Variants in PPARGC1B observed in about 807,000 individuals in gnomAD.
The protein encoded by PPARGC1B is PPARG coactivator 1 beta.
In PPARGC1B, 34 loss-of-function variants were observed where a neutral mutation model predicts 101.6. The observed-to-expected ratio is 0.33, with a 90% CI of 0.25 to 0.45. The LOEUF (loss-of-function observed/expected upper bound fraction) is 0.45. Among genes scored for constraint, PPARGC1B ranks in the 20% least tolerant of loss-of-function variants. The pLI is 1.00. For synonymous variants in PPARGC1B, 548 were observed against 539.3 expected, an observed-to-expected ratio of 1.02 and a Z score of -0.22; for missense variants, 1,234 against 1,317.6, an observed-to-expected ratio of 0.94 and a Z score of 0.98.
chr5:149,829,356 T>A (rs1323377512), intron 3 of PPARGC1B, among the ~76,000 whole-genome samples: 4 of 152,126 alleles, frequency 2.6e-5, no homozygotes, highest in Non-Finnish European at 5.9e-5. Context: ...CTAGGATCAT[T>A]TCCCATCGAA....
intron 1 of PPARGC1B, among the ~76,000 whole-genome samples, chr5:149,760,264 C>G (rs1443156512): frequency 6.6e-6 from 1 of 152,140 alleles, no homozygotes; most frequent in Non-Finnish European, 1.5e-5. Flanking sequence ...GGCAGCAGTT[C>G]CTGGGAAGAA....
chr5:149,766,860 G>C (rs1755927800), intron 1 of PPARGC1B, among the ~76,000 whole-genome samples: 2 of 152,214 alleles, frequency 1.3e-5, no homozygotes, highest in South Asian at 2.1e-4. Context: ...TCTCTGAATG[G>C]CTCTCAGAGA....
chr5:149,791,249 A>G (rs1249019625), intron 1 of PPARGC1B, among the ~76,000 whole-genome samples: 1 of 151,006 alleles, frequency 6.6e-6, no homozygotes, highest in African/African-American at 2.4e-5. Context: ...CTGAGATCCC[A>G]CTACTACATT....
At chr5:149,801,367 G>A (rs1197126418) in intron 1 of PPARGC1B, among the ~76,000 whole-genome samples, 5 of 152,240 alleles carry the variant, frequency 3.3e-5, no homozygotes, top group Middle Eastern at 3.2e-3. Flanking sequence ...CCTCCAGGAA[G>A]TAGAGTGAAG....
chr5:149,773,951 T>A (rs1430696417), intron 1 of PPARGC1B, among the ~76,000 whole-genome samples: 5 of 152,174 alleles, frequency 3.3e-5, no homozygotes, highest in Non-Finnish European at 7.4e-5. Flanking sequence ...ATGTTGGTGC[T>A]CTGTCCCCAG....
chr5:149,730,901 C>T lies in PPARGC1B; in HGVS notation c.78+481C>T, dbSNP rs1374136098. On this transcript the variant is annotated intron_variant, in intron 1 of 11. Transcript: ENST00000309241. The surrounding 1 kb of genome is among the most constrained non-coding windows in gnomAD (Gnocchi z 4.0). ...GGCTGTAGTCCCCAGAGTGCTGTTG[C>T]TGGCCCCCCGCGGCTTTCTACCCGC... Among the ~76,000 whole-genome samples the T allele has an allele frequency of 3.3e-5, 5 of 152,234 alleles. No homozygotes were observed. The highest frequency in any genetic ancestry group is 7.3e-5 in the Non-Finnish European group (5 of 68,044).
chr5:149,789,377 G>A (rs184166736), intron 1 of PPARGC1B, among the ~76,000 whole-genome samples: 40 of 152,258 alleles, frequency 2.6e-4, no homozygotes, highest in African/African-American at 7.7e-4. Context: ...GTGTCCTTGC[G>A]GAAGTCATTT....
chr5:149,791,942 C>T (rs1356880009), intron 1 of PPARGC1B, among the ~76,000 whole-genome samples: 4 of 152,138 alleles, frequency 2.6e-5, no homozygotes, highest in Non-Finnish European at 5.9e-5. Flanking sequence ...CTAGGGAACC[C>T]CAGGATACAA....
chr5:149,787,140 C>A (rs1756840547), intron 1 of PPARGC1B, among the ~76,000 whole-genome samples: 1 of 152,234 alleles, frequency 6.6e-6, no homozygotes, highest in South Asian at 2.1e-4. Flanking sequence ...CATGGATCAG[C>A]TTAGCAACCA....
intron 1 of PPARGC1B, among the ~76,000 whole-genome samples, chr5:149,738,699 C>T (rs1415374885): frequency 3.9e-5 from 6 of 151,960 alleles, no homozygotes; most frequent in Non-Finnish European, 5.9e-5. Flanking sequence ...CGGGTTCAAG[C>T]GATTCTTCTG....
At position 149,737,741 on chromosome 5, in the gene PPARGC1B, C is replaced by T. The variant is rs368189017; in HGVS notation, c.78+7321C>T. On this transcript the variant is annotated intron_variant, in intron 1 of 11. Transcript: ENST00000309241. The stretch of plus-strand genomic sequence containing the variant: ...GGGCACAGTGGCTTACGCCTGTAAT[C>T]CCAGCGCTTTGGGAGGCTGAGGTGG... Among the ~76,000 whole-genome samples the T allele has an allele frequency of 2.0e-4, 31 of 152,328 alleles. No homozygotes were observed. The East Asian group carries it at 6.0e-3, about 29-fold the overall frequency.
At chr5:149,843,369 C>T (rs1023352788) in intron 10 of PPARGC1B, among the ~76,000 whole-genome samples, 5 of 152,206 alleles carry the variant, frequency 3.3e-5, no homozygotes, top group African/African-American at 7.2e-5. Context: ...CTAAGTTATT[C>T]GGGTTTTTAC....
At chr5:149,750,453 A>ATAT (rs1755246049) in intron 1 of PPARGC1B, among the ~76,000 whole-genome samples, 1 of 123,232 alleles carries the variant, frequency 8.1e-6, no homozygotes, top group African/African-American at 3.1e-5. Flanking sequence ...TTTTAGTTAA[A>ATAT]ATATATATAT....
In PPARGC1B at chr5:149,833,794, G is replaced by A; in HGVS notation, c.1705+16G>A. On this transcript the variant is annotated intron_variant, in intron 5 of 11. Transcript: ENST00000309241. The surrounding 1 kb of genome is among the most constrained non-coding windows in gnomAD (Gnocchi z 4.1). ...CCTCCCAGAGGTAGTCAGAGTTGGT[G>A]GTCTGCGAAGTGGGGGCAGGGATGG... The A allele has an allele frequency of 6.8e-7, 1 of 1,476,262 alleles. No homozygotes were observed. The highest frequency in any genetic ancestry group is 8.9e-7 in the Non-Finnish European group (1 of 1,117,736). 91.4% of individuals were successfully genotyped at this position (1,476,262 alleles called of 1,614,324 possible). A position where few individuals can be genotyped will look rare whatever the true frequency, so the allele number is the denominator to read the frequency against.
rs781342430 is a variant in PPARGC1B at position 149,836,509 on chromosome 5, TCTC to T, written c.2057_2059del (p.Ser686del). On this transcript the variant is annotated inframe_deletion, in exon 8 of 12. Coordinates refer to ENST00000309241, the MANE Select transcript of PPARGC1B (RefSeq NM_133263.4). ...TCCCAGGCTGGCCAGAAGCGTCCCT[TCTC>T]CTGTTCCTTTGGAGACCATGACTAC... The T allele has an allele frequency of 3.7e-6, 6 of 1,613,978 alleles. No homozygotes were observed. Among genetic ancestry groups the T allele is most frequent in the East Asian group, 2.2e-5 (1 of 44,862 alleles).
chr5:149,826,297 C>T (rs1758515294), intron 2 of PPARGC1B, among the ~76,000 whole-genome samples: 1 of 152,184 alleles, frequency 6.6e-6, no homozygotes. Context: ...CGGGTTGCTG[C>T]TACCAGTGTG....
intron 1 of PPARGC1B, among the ~76,000 whole-genome samples, chr5:149,785,491 A>G (rs180715164): frequency 6.8e-4 from 104 of 152,332 alleles, no homozygotes; most frequent in African/African-American, 2.4e-3. Flanking sequence ...CCAGTTTACA[A>G]TCTGTTGGTG....
At chr5:149,795,056 G>A (rs1757160907) in intron 1 of PPARGC1B, among the ~76,000 whole-genome samples, 1 of 152,226 alleles carries the variant, frequency 6.6e-6, no homozygotes, top group Non-Finnish European at 1.5e-5. Flanking sequence ...CTGGGCCTCA[G>A]TTTCCTTCCC....
At chr5:149,834,608 C>T in intron 5 of PPARGC1B, 66 bp from the exon 6 acceptor site, 2 of 1,506,462 alleles carry the variant, frequency 1.3e-6, no homozygotes, top group East Asian at 2.3e-5. Flanking sequence ...GGGTCTCCTC[C>T]AGAGGGGAAA....
Sources: gnomAD v4.1 joint callset for allele counts (sites outside exome capture counted in the v4.1 genomes callset) on GRCh38, gnomAD v4.1.1 for gene constraint, Gnocchi (gnomAD v3.1) non-coding constraint, MANE v1.5 for transcripts, NCBI Gene and HGNC (gene_info 2026-07-23, HGNC 2026-07-21) for gene names.